The following NF1 variants were observed in gnomAD, a reference collection of about 807,000 sequenced individuals.
NF1 encodes neurofibromin 1, also known as neurofibromin.
A neutral mutation model predicts 325.7 loss-of-function variants in NF1; 122 were observed. The ratio of observed to expected loss-of-function variants is 0.37; its 90% CI spans 0.32 to 0.44. NF1 has a LOEUF of 0.44. Among genes scored for constraint, NF1 ranks in the 20% least tolerant of loss-of-function variants. The pLI, the probability that NF1 is intolerant of heterozygous loss-of-function variation, is 1.00. For missense variants in NF1, 2,140 were observed against 3,415.4 expected (o/e 0.63, Z 9.31); for synonymous variants, 1,091 against 1,186.0 (o/e 0.92, Z 1.65).
rs2144026596 is a variant in NF1, at chr17:31,225,157, T to C, written c.1908T>C (p.Ser636=). 1 of 1,613,768 alleles carries C rather than the reference T, an allele frequency of 6.2e-7. No homozygotes were observed. The highest frequency in any genetic ancestry group is 1.1e-5 in the South Asian group (1 of 91,072). The change falls in exon 17 of 58, where the codon TCT becomes TCC. Residue 636 remains serine, a synonymous_variant. Transcript: ENST00000358273. ...LFYGVGCDIP[S]SGNTSQMSMD... is the part of the protein sequence containing the mutation. ...ACGGGGTAGGATGTGATATTCCTTCTAGTGGAAATACCAGTCAAATGTCCA... is the reference window on the plus strand; with the variant it reads ...ACGGGGTAGGATGTGATATTCCTTCCAGTGGAAATACCAGTCAAATGTCCA...
chr17:31,359,518 G>GATATGATTTCA, intron 56 of NF1: 1 of 171,194 alleles, frequency 5.8e-6, no homozygotes, highest in Non-Finnish European at 1.2e-5. Flanking sequence ...GGAGTGCAGT[G>GATATGATTTCA]GCGCAATCTT....
chr17:31,345,809 C>T (rs1567621856), intron 48 of NF1: 8 of 1,614,082 alleles, frequency 5.0e-6, no homozygotes, highest in East Asian at 2.2e-5. Context: ...TAGGACAAGC[C>T]GAAGCCCTGG....
intron 1 of NF1, among the ~76,000 whole-genome samples, chr17:31,141,408 C>T (rs1916204654): frequency 1.3e-5 from 2 of 151,376 alleles, no homozygotes; most frequent in East Asian, 3.9e-4. Flanking sequence ...AAGAAATATT[C>T]TTCCTTTTTT....
chr17:31,263,151 GAT>G (rs1254972110), intron 35 of NF1, among the ~76,000 whole-genome samples: 1 of 151,662 alleles, frequency 6.6e-6, no homozygotes, highest in Non-Finnish European at 1.5e-5. Context: ...AGATAGATAA[GAT>G]AGATAGATTG....
chr17:31,146,322 C>G (rs946908558), intron 1 of NF1, among the ~76,000 whole-genome samples: 4 of 152,080 alleles, frequency 2.6e-5, no homozygotes, highest in African/African-American at 9.7e-5. Flanking sequence ...CTAGCCAGGC[C>G]CCTGATCTGG....
At chr17:31,228,030 T>C (rs1427852456) in intron 20 of NF1, among the ~76,000 whole-genome samples, 1 of 152,200 alleles carries the variant, frequency 6.6e-6, no homozygotes, top group Non-Finnish European at 1.5e-5. Context: ...TTTCACAGAA[T>C]TTTCAGAAAA....
intron 29 of NF1, among the ~76,000 whole-genome samples, chr17:31,246,582 A>G (rs1347536298): frequency 6.6e-6 from 1 of 152,236 alleles, no homozygotes; most frequent in African/African-American, 2.4e-5. Context: ...AGGAGCTTAC[A>G]GTTTAGTAAG....
chr17:31,152,950 AT>A (rs1450531119), intron 1 of NF1, among the ~76,000 whole-genome samples: 2 of 150,398 alleles, frequency 1.3e-5, no homozygotes, highest in East Asian at 3.9e-4. Flanking sequence ...GGTAGGAGGG[AT>A]TTGTAGGCCA....
chr17:31,358,516 A>G lies in NF1; in HGVS notation c.8007A>G (p.Leu2669=), dbSNP rs2151584878. 1.2e-6 allele frequency: 2 copies of G among 1,613,846 alleles called. No homozygotes were observed. Among genetic ancestry groups the G allele is most frequent in the Non-Finnish European group, 8.5e-7 (1 of 1,179,914 alleles). ...TGGACTCTAAGATCAACACCCTGTT[A>G]TCATTGTGCCAAGATCCAAATTTGT... ...NLLDSKINTL[L]SLCQDPNLLN... Residue 2669 remains leucine (L), a synonymous_variant, in exon 55 of 58, where the codon TTA becomes TTG. Coordinates refer to ENST00000358273, the MANE Select transcript of NF1 (RefSeq NM_001042492.3).
At chr17:31,357,857 C>A in intron 54 of NF1, 1 of 167,394 alleles carries the variant, frequency 6.0e-6, no homozygotes, top group Admixed American at 5.7e-5. Context: ...CCTTCTATAT[C>A]ATGTCATTAT....
At chr17:31,154,372 A>G (rs926797982) in intron 1 of NF1, among the ~76,000 whole-genome samples, 14 of 151,984 alleles carry the variant, frequency 9.2e-5, no homozygotes, top group African/African-American at 3.4e-4. Context: ...TCTGATTTTT[A>G]TGGGATACTT....
At chr17:31,277,620 A>T (rs766538899) in intron 36 of NF1, among the ~76,000 whole-genome samples, 1 of 152,042 alleles carries the variant, frequency 6.6e-6, no homozygotes, top group Non-Finnish European at 1.5e-5. Flanking sequence ...TCTGGCTTTC[A>T]GCTGGCCCAT....
chr17:31,284,989 C>T (rs1012471503), intron 36 of NF1, among the ~76,000 whole-genome samples: 5 of 151,998 alleles, frequency 3.3e-5, no homozygotes, highest in South Asian at 2.1e-4. Flanking sequence ...GCATGCTTTG[C>T]GCGCCTGTAA....
intron 35 of NF1, among the ~76,000 whole-genome samples, chr17:31,262,660 A>C (rs1016495264): frequency 6.6e-6 from 1 of 152,230 alleles, no homozygotes; most frequent in South Asian, 2.1e-4. Context: ...GGTTTTGTAC[A>C]TATAACTCCA....
At chr17:31,342,961 A>G (rs765228662) in intron 47 of NF1, 48 bp from the exon 48 acceptor site, 2 of 1,611,490 alleles carry the variant, frequency 1.2e-6, no homozygotes, top group Non-Finnish European at 1.7e-6. Context: ...CCTTTAAAGA[A>G]AGCTACTGTG....
chr17:31,358,900 C>A, intron 55 of NF1, 69 bp from the exon 56 acceptor site: 1 of 1,362,700 alleles, frequency 7.3e-7, no homozygotes, highest in Non-Finnish European at 1.0e-6. Flanking sequence ...AGCTATATGA[C>A]TTATTTAATT....
intron 1 of NF1, among the ~76,000 whole-genome samples, chr17:31,095,648 A>G (rs1207029515): frequency 6.6e-6 from 1 of 152,056 alleles, no homozygotes; most frequent in Non-Finnish European, 1.5e-5. Flanking sequence ...CCTTTATCCC[A>G]GCCCTTCCGC....
At chr17:31,334,809 T>G (rs2151550117) in intron 39 of NF1, 29 bp from the exon 40 acceptor site, 1 of 1,543,460 alleles carries the variant, frequency 6.5e-7, no homozygotes, top group Non-Finnish European at 9.0e-7. Flanking sequence ...TCATTGACCA[T>G]CACATGCTAA....
intron 48 of NF1, among the ~76,000 whole-genome samples, chr17:31,345,096 C>A (rs1041174491): frequency 2.0e-5 from 3 of 152,132 alleles, no homozygotes; most frequent in Non-Finnish European, 4.4e-5. Context: ...GCACTCCAGC[C>A]TTTGTGACAG....
Sources: allele counts gnomAD v4.1 joint callset (sites outside exome capture counted in the v4.1 genomes callset), GRCh38; gene constraint gnomAD v4.1.1; transcripts MANE v1.5; gene names NCBI Gene and HGNC (gene_info 2026-07-23, HGNC 2026-07-21).